PJA2: variants seen among roughly 807,000 people sequenced by gnomAD.
PJA2 encodes the protein E3 ubiquitin-protein ligase Praja-2.
In PJA2, 25 loss-of-function variants were observed where a neutral mutation model predicts 69.3. The ratio of observed to expected loss-of-function variants is 0.36; its 90% CI spans 0.26 to 0.50. The LOEUF is 0.50. Among genes scored for constraint, PJA2 ranks in the 20% least tolerant of loss-of-function variants. The probability of loss-of-function intolerance (pLI) is 0.96; values close to 1 mark genes in which losing one functional copy is unlikely to be tolerated. For missense variants in PJA2, 809 were observed against 830.2 expected (o/e 0.97, Z 0.31); for synonymous variants, 308 against 277.8 (o/e 1.11, Z -1.08).
chr5:109,368,854 T>G (rs939303339), intron 4 of PJA2, 108 bp from the exon 5 acceptor site: 3 of 1,155,576 alleles, frequency 2.6e-6, no homozygotes, highest in Non-Finnish European at 3.6e-6. Context: ...CCAAATCTCA[T>G]GTTGAACTGT....
chr5:109,397,936 A>G (rs886176557), intron 1 of PJA2, among the ~76,000 whole-genome samples: 1 of 152,226 alleles, frequency 6.6e-6, no homozygotes, highest in South Asian at 2.1e-4. Context: ...CAGAATCTAC[A>G]AAGAACTCAA....
chr5:109,362,004 A>T (rs1582599855), intron 6 of PJA2, among the ~76,000 whole-genome samples: 2 of 152,366 alleles, frequency 1.3e-5, no homozygotes, highest in East Asian at 1.9e-4. Flanking sequence ...ATATCAGGAG[A>T]TATAAATGAG....
intron 7 of PJA2, among the ~76,000 whole-genome samples, chr5:109,354,951 C>G (rs1359196058): frequency 6.6e-6 from 1 of 151,552 alleles, no homozygotes; most frequent in African/African-American, 2.4e-5. Flanking sequence ...CCTATCTCTA[C>G]CAAAAAACCC....
intron 1 of PJA2, chr5:109,409,033 C>T (rs949986344): frequency 6.6e-6 from 1 of 151,936 alleles, no homozygotes; most frequent in African/African-American, 2.4e-5. Context: ...GGAGAAGGAA[C>T]TCTCAGATTA....
rs1240621107 is a variant in PJA2 at position 109,354,098 on chromosome 5, AGATATCTATAGATTAGATATCTATGG to A, written c.1764+1791_1764+1816del. ...CTATAGATTAGATATCTATATCTAG[AGATATCTATAGATTAGATATCTATGG>A]TATCTAGAGCTGTCTATAGATTAGA... On this transcript the variant is annotated intron_variant, in intron 7 of 9. Coordinates refer to ENST00000361189, the MANE Select transcript of PJA2 (RefSeq NM_014819.5). Among the ~76,000 whole-genome samples, 846 of 115,516 alleles carry A rather than the reference AGATATCTATAGATTAGATATCTATGG, an allele frequency of 7.3e-3. 86 individuals carry two copies. Among genetic ancestry groups the A allele is most frequent in the African/African-American group, 0.027 (769 of 28,958 alleles). The allele number at this position is 115,516 out of a possible 152,430, so 75.8% of individuals were successfully genotyped here.
chr5:109,368,336 C>G (rs2127001438), intron 5 of PJA2, among the ~76,000 whole-genome samples: 1 of 152,184 alleles, frequency 6.6e-6, no homozygotes, highest in Admixed American at 6.5e-5. Flanking sequence ...TTATTAAAGC[C>G]AAGTGGAGAC....
At chr5:109,363,059 T>C (rs753557560) in intron 5 of PJA2, 37 bp from the exon 6 acceptor site, 1 of 1,510,620 alleles carries the variant, frequency 6.6e-7, no homozygotes, top group Non-Finnish European at 9.0e-7. Flanking sequence ...AAAAATATTA[T>C]TTTAAAACAT....
intron 6 of PJA2, among the ~76,000 whole-genome samples, chr5:109,362,175 G>A (rs888191758): frequency 2.0e-5 from 3 of 152,140 alleles, no homozygotes; most frequent in African/African-American, 4.8e-5. Context: ...TCAGTTAGGA[G>A]GACATCCTTT....
intron 1 of PJA2, among the ~76,000 whole-genome samples, chr5:109,392,138 A>G (rs894341781): frequency 6.6e-6 from 1 of 152,224 alleles, no homozygotes; most frequent in Non-Finnish European, 1.5e-5. Flanking sequence ...AAGAATAACC[A>G]AAGTTATCAC....
intron 9 of PJA2, among the ~76,000 whole-genome samples, chr5:109,343,913 T>C (rs1481836831): frequency 1.3e-5 from 2 of 151,828 alleles, no homozygotes; most frequent in Non-Finnish European, 2.9e-5. Flanking sequence ...CTGACCAACA[T>C]GGCGAAACTC....
chr5:109,370,830 A>G (rs948348097), intron 4 of PJA2, among the ~76,000 whole-genome samples: 2 of 152,162 alleles, frequency 1.3e-5, no homozygotes, highest in African/African-American at 4.8e-5. Context: ...AACATATATA[A>G]AAGAGAAGCT....
At chr5:109,373,181 G>A (rs549387011) in intron 4 of PJA2, among the ~76,000 whole-genome samples, 4 of 152,156 alleles carry the variant, frequency 2.6e-5, no homozygotes, top group African/African-American at 9.6e-5. Flanking sequence ...AGTGGGTATG[G>A]AAAACTTTTT....
intron 1 of PJA2, among the ~76,000 whole-genome samples, chr5:109,399,605 C>T (rs1487231447): frequency 6.6e-6 from 1 of 152,206 alleles, no homozygotes; most frequent in Non-Finnish European, 1.5e-5. Flanking sequence ...CAACCCCACA[C>T]CACACTAAAA....
intron 2 of PJA2, among the ~76,000 whole-genome samples, chr5:109,382,269 A>G (rs1747068823): frequency 6.6e-6 from 1 of 152,190 alleles, no homozygotes; most frequent in African/African-American, 2.4e-5. Context: ...ATCCAAAAGA[A>G]AACAGCAATG....
chr5:109,337,483 A>C, intron 9 of PJA2, 127 bp from the exon 10 acceptor site: 1 of 1,003,250 alleles, frequency 1.0e-6, no homozygotes, highest in Non-Finnish European at 1.4e-6. Flanking sequence ...CAAACTTCAA[A>C]TCCACACAAT....
Position 109,383,513 on chromosome 5 carries a change from G to C in PJA2, c.-80C>G. 1 of 1,160,350 alleles carries C rather than the reference G, an allele frequency of 8.6e-7. No individual in the cohort carries two copies. The highest frequency in any genetic ancestry group is 1.3e-6 in the Non-Finnish European group (1 of 795,530). 71.9% of individuals were successfully genotyped at this position (1,160,350 alleles called of 1,614,324 possible). A position where few individuals can be genotyped will look rare whatever the true frequency, so the allele number is the denominator to read the frequency against. ...TTATTCACACTATGGACAAGCCGCA[G>C]AAGATTCCTACAAAGAAACAATGAA... On this transcript the variant is annotated 5_prime_UTR_variant, in exon 2 of 10. Coordinates refer to ENST00000361189, the MANE Select transcript of PJA2 (RefSeq NM_014819.5).
chr5:109,407,410 C>T (rs1293158723), intron 1 of PJA2, among the ~76,000 whole-genome samples: 1 of 152,138 alleles, frequency 6.6e-6, no homozygotes, highest in African/African-American at 2.4e-5. Context: ...ATTTTAATAT[C>T]AGCGGCTTTA....
chr5:109,337,439 T>C, intron 9 of PJA2, 83 bp from the exon 10 acceptor site: 1 of 1,433,492 alleles, frequency 7.0e-7, no homozygotes. Flanking sequence ...AACAGTGTCA[T>C]TATCCTAATA....
At chr5:109,404,007 G>A (rs1747624320) in intron 1 of PJA2, among the ~76,000 whole-genome samples, 2 of 152,026 alleles carry the variant, frequency 1.3e-5, no homozygotes, top group Admixed American at 6.5e-5. Context: ...GGAGGCGGAG[G>A]CTGTAGTGAG....
Sources: gnomAD v4.1 joint callset for allele counts (sites outside exome capture counted in the v4.1 genomes callset) on GRCh38, gnomAD v4.1.1 for gene constraint, MANE v1.5 for transcripts, NCBI Gene and HGNC (gene_info 2026-07-23, HGNC 2026-07-21) for gene names.